Variants in SORCS1 observed in about 807,000 individuals in gnomAD.
SORCS1 encodes the protein VPS10 domain-containing receptor SorCS1.
In SORCS1, 60 loss-of-function variants were observed where a neutral mutation model predicts 146.1. That is an observed-to-expected ratio of 0.41 (90% confidence interval 0.33 to 0.51). The LOEUF is 0.51. SORCS1 is among the 20% of genes least tolerant of loss of function. SORCS1 has a pLI of 0.21. For missense variants in SORCS1, 1,352 were observed against 1,487.6 expected (o/e 0.91, Z 1.50); for synonymous variants, 637 against 584.0 (o/e 1.09, Z -1.31).
intron 2 of SORCS1, among the ~76,000 whole-genome samples, chr10:106,928,611 G>A (rs1953213258): frequency 6.6e-6 from 1 of 152,214 alleles, no homozygotes; most frequent in Non-Finnish European, 1.5e-5. Flanking sequence ...AGGCAGCGCT[G>A]AGAGCGAGCG....
chr10:106,995,313 C>CAAAA (rs369510454), intron 1 of SORCS1, among the ~76,000 whole-genome samples: 2 of 118,304 alleles, frequency 1.7e-5, no homozygotes, highest in African/African-American at 3.0e-5. Flanking sequence ...GACTCCATCT[C>CAAAA]AAAAAAAAAA....
chr10:106,642,185 T>C (rs1247853471), intron 18 of SORCS1, among the ~76,000 whole-genome samples: 1 of 152,118 alleles, frequency 6.6e-6, no homozygotes, highest in Non-Finnish European at 1.5e-5. Context: ...CCAACCTAGC[T>C]CCATCGAAGG....
intron 2 of SORCS1, among the ~76,000 whole-genome samples, chr10:106,922,224 G>A (rs2138422634): frequency 6.6e-6 from 1 of 152,222 alleles, no homozygotes; most frequent in African/African-American, 2.4e-5. Flanking sequence ...CGGGTTCCAG[G>A]TGACATACGC....
intron 1 of SORCS1, among the ~76,000 whole-genome samples, chr10:107,013,152 G>A (rs753561521): frequency 7.2e-5 from 11 of 152,126 alleles, no homozygotes; most frequent in Admixed American, 2.6e-4. Flanking sequence ...TAGAAAGTCT[G>A]AACACTGCCC....
intron 2 of SORCS1, among the ~76,000 whole-genome samples, chr10:106,919,061 T>C (rs994773942): frequency 1.3e-5 from 2 of 152,118 alleles, no homozygotes; most frequent in Non-Finnish European, 2.9e-5. Context: ...GGCCTTGAAA[T>C]CCTGGTCTCA....
the SORCS1 span, among the ~76,000 whole-genome samples, chr10:107,174,040 A>G: frequency 1.3e-5 from 2 of 152,200 alleles, no homozygotes; most frequent in Admixed American, 1.3e-4. Flanking sequence ...GGACTTTTTA[A>G]TAGGATTGCA....
intron 18 of SORCS1, among the ~76,000 whole-genome samples, chr10:106,645,474 T>C (rs1048560603): frequency 2.0e-5 from 3 of 152,186 alleles, no homozygotes; most frequent in Non-Finnish European, 2.9e-5. Context: ...ATTACAGGTG[T>C]AAGCCACTGC....
At chr10:106,577,614 G>C (rs1192472626) in intron 25 of SORCS1, 59 bp from the exon 26 acceptor site, 1 of 1,604,144 alleles carries the variant, frequency 6.2e-7, no homozygotes, top group East Asian at 2.2e-5. Context: ...AAAGGTGTCA[G>C]AGACTTTGCA....
intron 2 of SORCS1, among the ~76,000 whole-genome samples, chr10:106,902,816 C>T (rs554657559): frequency 9.8e-5 from 15 of 152,340 alleles, no homozygotes; most frequent in South Asian, 4.1e-4. Flanking sequence ...CAGTGGCTCA[C>T]GCCTATAATC....
chr10:106,930,626 A>G (rs530050405), intron 2 of SORCS1, among the ~76,000 whole-genome samples: 4 of 152,356 alleles, frequency 2.6e-5, no homozygotes, highest in Non-Finnish European at 5.9e-5. Context: ...GGAGGGCTTT[A>G]TAACATCGCA....
chr10:106,857,165 G>A (rs573194273), intron 2 of SORCS1, among the ~76,000 whole-genome samples: 130 of 152,274 alleles, frequency 8.5e-4, no homozygotes, highest in Admixed American at 4.0e-3. Flanking sequence ...GGCACAATCA[G>A]GTGGCTTCTC....
chr10:106,991,862 T>G (rs1469909344), intron 1 of SORCS1, among the ~76,000 whole-genome samples: 1 of 152,222 alleles, frequency 6.6e-6, no homozygotes, highest in Non-Finnish European at 1.5e-5. Flanking sequence ...TGCAGCTTCC[T>G]TTTACAACTA....
At chr10:106,658,094 C>A (rs886070189) in intron 17 of SORCS1, among the ~76,000 whole-genome samples, 3 of 152,076 alleles carry the variant, frequency 2.0e-5, no homozygotes, top group African/African-American at 7.2e-5. Flanking sequence ...CAATTCCTTT[C>A]TTAAAATCAT....
At chr10:107,102,632 G>C (rs1363936477) in intron 1 of SORCS1, among the ~76,000 whole-genome samples, 1 of 152,076 alleles carries the variant, frequency 6.6e-6, no homozygotes, top group Non-Finnish European at 1.5e-5. Context: ...GAAGAAAGGA[G>C]GAAAAAGCCT....
chr10:106,788,148 A>G (rs888015310), intron 3 of SORCS1, among the ~76,000 whole-genome samples: 1 of 152,188 alleles, frequency 6.6e-6, no homozygotes, highest in African/African-American at 2.4e-5. Flanking sequence ...AACAGAGCTC[A>G]TGAGAACTCA....
At chr10:106,582,945 T>G (rs1039602444) in intron 24 of SORCS1, among the ~76,000 whole-genome samples, 5 of 152,162 alleles carry the variant, frequency 3.3e-5, no homozygotes, top group Non-Finnish European at 1.5e-5. Context: ...TGGTTATAGT[T>G]GTATGTATGA....
intron 1 of SORCS1, among the ~76,000 whole-genome samples, chr10:107,070,039 G>A (rs1446429324): frequency 6.6e-6 from 1 of 152,184 alleles, no homozygotes; most frequent in African/African-American, 2.4e-5. Flanking sequence ...CTTTGTGGAA[G>A]TGTCTACTCA....
chr10:107,033,715 G>C (rs886624408), intron 1 of SORCS1, among the ~76,000 whole-genome samples: 1 of 152,158 alleles, frequency 6.6e-6, no homozygotes, highest in Non-Finnish European at 1.5e-5. Context: ...TAAAGAAAGC[G>C]GCTAGAGTTT....
At chr10:106,638,159 T>A (rs1589535225) in intron 18 of SORCS1, among the ~76,000 whole-genome samples, 1 of 152,200 alleles carries the variant, frequency 6.6e-6, no homozygotes, top group African/African-American at 2.4e-5. Flanking sequence ...AGGAATTACA[T>A]CAGCAGGCTC....
Sources: gnomAD v4.1 joint callset for allele counts (sites outside exome capture counted in the v4.1 genomes callset) on GRCh38, gnomAD v4.1.1 for gene constraint, MANE v1.5 for transcripts, NCBI Gene and HGNC (gene_info 2026-07-23, HGNC 2026-07-21) for gene names.